The following ANKRD11 variants were observed in gnomAD, a reference collection of about 807,000 sequenced individuals.
ANKRD11 encodes the protein ankyrin repeat domain-containing protein 11.
Under a neutral mutation model 195.7 loss-of-function variants are expected in ANKRD11, and 17 were observed. That is an observed-to-expected ratio of 0.09 (90% CI 0.06 to 0.13). The LOEUF is 0.13. Among genes scored for constraint, ANKRD11 ranks in the 10% least tolerant of loss-of-function variants. The probability of loss-of-function intolerance (pLI) is 1.00; values close to 1 mark genes in which losing one functional copy is unlikely to be tolerated. For missense variants in ANKRD11, 3,735 were observed against 3,566.1 expected (o/e 1.05, Z -1.21); for synonymous variants, 1,953 against 1,528.1 (o/e 1.28, Z -6.49).
At chr16:89,454,252 C>A (rs1314391536) in intron 1 of ANKRD11, among the ~76,000 whole-genome samples, 1 of 152,122 alleles carries the variant, frequency 6.6e-6, no homozygotes, top group Non-Finnish European at 1.5e-5. Context: ...ACCAAGGCCA[C>A]AGACCACAAC....
intron 4 of ANKRD11, among the ~76,000 whole-genome samples, chr16:89,295,488 G>A (rs571713625): frequency 9.8e-5 from 15 of 152,332 alleles, no homozygotes; most frequent in South Asian, 4.1e-4. Context: ...AAGATTCCAC[G>A]GAACCCTCTC....
chr16:89,429,102 AC>A (rs1567792569), intron 1 of ANKRD11, among the ~76,000 whole-genome samples: 8 of 149,106 alleles, frequency 5.4e-5, no homozygotes, highest in Non-Finnish European at 8.9e-5. Flanking sequence ...CTCAACTCTC[AC>A]GCTCAGACGT....
intron 1 of ANKRD11, among the ~76,000 whole-genome samples, chr16:89,441,714 C>T (rs533166885): frequency 1.4e-4 from 19 of 134,174 alleles, no homozygotes; most frequent in Non-Finnish European, 2.4e-4. Flanking sequence ...ATGCAGTGAG[C>T]CAAGATCGTG....
At chr16:89,323,650 G>T in intron 2 of ANKRD11, 1 of 322,868 alleles carries the variant, frequency 3.1e-6, no homozygotes, top group Non-Finnish European at 6.0e-6. Flanking sequence ...CAGGAACCAG[G>T]CCCTCCCGCA....
At chr16:89,353,208 G>A (rs2039303698) in intron 2 of ANKRD11, among the ~76,000 whole-genome samples, 2 of 152,110 alleles carry the variant, frequency 1.3e-5, no homozygotes, top group Non-Finnish European at 1.5e-5. Context: ...CGTGCATGGT[G>A]GCAGACGCCT....
chr16:89,319,365 AG>A (rs1370986776), intron 2 of ANKRD11, among the ~76,000 whole-genome samples: 1 of 152,220 alleles, frequency 6.6e-6, no homozygotes, highest in Admixed American at 6.5e-5. Flanking sequence ...GAGTCCACTC[AG>A]GAGGTGGAGG....
At chr16:89,440,871 A>G (rs2043422888) in intron 1 of ANKRD11, among the ~76,000 whole-genome samples, 1 of 152,230 alleles carries the variant, frequency 6.6e-6, no homozygotes, top group Non-Finnish European at 1.5e-5. Flanking sequence ...GTGAGTGCGC[A>G]TGAATCCTGG....
At chr16:89,435,832 ACAC>A (rs987862936) in intron 1 of ANKRD11, among the ~76,000 whole-genome samples, 8 of 150,770 alleles carry the variant, frequency 5.3e-5, no homozygotes, top group African/African-American at 1.7e-4. Flanking sequence ...ACACACACAC[ACAC>A]GCTTTCGGTC....
At chr16:89,472,851 T>C (rs909576289) in intron 1 of ANKRD11, among the ~76,000 whole-genome samples, 1 of 152,116 alleles carries the variant, frequency 6.6e-6, no homozygotes, top group Admixed American at 6.5e-5. Context: ...ATCTAACCAA[T>C]GGCAGAAGTC....
chr16:89,423,752 A>C (rs912637946), intron 1 of ANKRD11, among the ~76,000 whole-genome samples: 3 of 152,224 alleles, frequency 2.0e-5, no homozygotes, highest in Non-Finnish European at 4.4e-5. Context: ...CGATGGTGTA[A>C]GAAAACGTTT....
At chr16:89,404,077 G>A (rs1323509291) in intron 2 of ANKRD11, among the ~76,000 whole-genome samples, 2 of 152,166 alleles carry the variant, frequency 1.3e-5, no homozygotes, top group Admixed American at 6.5e-5. Flanking sequence ...CAGAGCAAAC[G>A]CTGCATCACA....
chr16:89,392,036 C>T (rs2041221030), intron 2 of ANKRD11, among the ~76,000 whole-genome samples: 1 of 152,170 alleles, frequency 6.6e-6, no homozygotes, highest in South Asian at 2.1e-4. Context: ...CCTTTGTTCT[C>T]CTCTGCCTTT....
chr16:89,415,203 C>G (rs892988172), intron 2 of ANKRD11, among the ~76,000 whole-genome samples: 1 of 151,744 alleles, frequency 6.6e-6, no homozygotes, highest in African/African-American at 2.4e-5. Context: ...ATCTACCCAC[C>G]CCTTCCTCCC....
chr16:89,324,906 C>T (rs553729031), intron 2 of ANKRD11: 1 of 224,014 alleles, frequency 4.5e-6, no homozygotes, highest in South Asian at 5.7e-5. Context: ...AATAAACTCC[C>T]CTCCATATAT....
chr16:89,355,258 C>T (rs1325710591), intron 2 of ANKRD11, among the ~76,000 whole-genome samples: 2 of 150,678 alleles, frequency 1.3e-5, no homozygotes, highest in Admixed American at 6.6e-5. Context: ...CCCTGAGGCT[C>T]GGAAGGCGGG....
chr16:89,324,286 G>C lies in ANKRD11; in HGVS notation c.-59-7208C>G, dbSNP rs965313218. 10 of 1,256,452 alleles carry C rather than the reference G, an allele frequency of 8.0e-6. No homozygotes were observed. The East Asian group carries it at 5.1e-4, about 64-fold the overall frequency. The allele number at this position is 1,256,452 out of a possible 1,614,324, so 77.8% of individuals were successfully genotyped here. A position where few individuals can be genotyped will look rare whatever the true frequency, so the allele number is the denominator to read the frequency against. Reference sequence around the variant, plus strand: ...GAACATACAGGAGCCCCGTGCTCCGGAACACGGACCACCCGACAGGAGCAC... The same window carrying C: ...GAACATACAGGAGCCCCGTGCTCCGCAACACGGACCACCCGACAGGAGCAC... On this transcript the variant is annotated intron_variant, in intron 2 of 12. Transcript: ENST00000301030.
chr16:89,379,621 A>G (rs1165234407), intron 2 of ANKRD11, among the ~76,000 whole-genome samples: 2 of 152,192 alleles, frequency 1.3e-5, no homozygotes, highest in Non-Finnish European at 1.5e-5. Context: ...ACTTGAGCTT[A>G]CAGTTTTCTG....
Position 89,279,560 on chromosome 16 carries a change from G to C in ANKRD11, c.6982C>G (p.Arg2328Gly), listed in dbSNP as rs1567553783. 4 of 1,427,384 alleles carry C rather than the reference G, an allele frequency of 2.8e-6. No homozygotes were observed. Among genetic ancestry groups the C allele is most frequent in the Admixed American group, 4.3e-5 (2 of 46,336 alleles). 88.4% of individuals were successfully genotyped at this position (1,427,384 alleles called of 1,614,324 possible). The change falls in exon 9 of 13, where the codon CGA (arginine) becomes GGA (glycine). Residue 2328 changes from arginine (R) to glycine (G), a missense_variant. Arg to Gly is a moderately radical substitution (Grantham distance 125). Transcript: ENST00000301030. This position sits in a 1 kb window ranked among gnomAD's most constrained non-coding sequence, Gnocchi z 5.6. Reference sequence around the variant, plus strand: ...ATGCGCTGAGGGATCTCCTCCACTCGGGGGGCCTTCGGGGCTTCGGCCGTG... The same window carrying C: ...ATGCGCTGAGGGATCTCCTCCACTCCGGGGGCCTTCGGGGCTTCGGCCGTG... ...KPTAEAPKAP[R>G]VEEIPQRMTR...
At chr16:89,304,643 C>A (rs532850638) in intron 4 of ANKRD11, among the ~76,000 whole-genome samples, 152 of 151,834 alleles carry the variant, frequency 1.0e-3, no homozygotes, top group Middle Eastern at 3.4e-3. Context: ...TGAGGGCATG[C>A]ACACAGATAC....
Sources: gnomAD v4.1 joint callset for allele counts (sites outside exome capture counted in the v4.1 genomes callset) on GRCh38, gnomAD v4.1.1 for gene constraint, Gnocchi (gnomAD v3.1) non-coding constraint, MANE v1.5 for transcripts, NCBI Gene and HGNC (gene_info 2026-07-23, HGNC 2026-07-21) for gene names.